The following NR3C1 variants were observed in gnomAD, a reference collection of about 807,000 sequenced individuals.
NR3C1 encodes the protein nuclear receptor subfamily 3 group C member 1.
Under a neutral mutation model 74.0 loss-of-function variants are expected in NR3C1, and 14 were observed. The observed-to-expected ratio is 0.19, with a 90% confidence interval of 0.12 to 0.30. The LOEUF is 0.30. NR3C1 is among the 10% of genes least tolerant of loss of function. NR3C1 has a pLI of 1.00. For missense variants in NR3C1, 695 were observed against 909.8 expected, an observed-to-expected ratio of 0.76 and a Z score of 3.04; for synonymous variants, 308 against 332.5, an observed-to-expected ratio of 0.93 and a Z score of 0.80.
intron 1 of NR3C1, among the ~76,000 whole-genome samples, chr5:143,402,198 C>G (rs780367672): frequency 3.3e-5 from 5 of 152,120 alleles, no homozygotes; most frequent in Non-Finnish European, 5.9e-5. Flanking sequence ...CACGAGGTAT[C>G]GAATGGAGCC....
rs575204907 is a variant in NR3C1 at position 143,364,306 on chromosome 5, A to C, written c.1184+35350T>G. On this transcript the variant is annotated intron_variant, in intron 2 of 8. Transcript: ENST00000394464. ...TATCCTGCCAACACTATCCTTCAAAAATGAAGGATAAATTAACACATTCCC... is the reference window on the plus strand; with the variant it reads ...TATCCTGCCAACACTATCCTTCAAACATGAAGGATAAATTAACACATTCCC... Among the ~76,000 whole-genome samples the C allele has an allele frequency of 2.6e-5, 4 of 152,272 alleles. No individual in the cohort carries two copies. The South Asian group carries it at 8.3e-4, about 32-fold the overall frequency.
rs140909045 is a variant in NR3C1 at position 143,309,678 on chromosome 5, G to A, written c.1468+419C>T. On this transcript the variant is annotated intron_variant, in intron 4 of 8. Coordinates refer to ENST00000394464, the MANE Select transcript of NR3C1 (RefSeq NM_000176.3). ...GCTTGAAGATCTGTAATAAAACACA[G>A]ATCTCCAAGTAAAAGGTATGCTTTT... Among the ~76,000 whole-genome samples, 154 of 151,688 alleles carry A rather than the reference G, an allele frequency of 1.0e-3. 3 individuals are homozygous for A. The East Asian group carries it at 0.022, about 22-fold the overall frequency.
At chr5:143,333,098 G>A in intron 2 of NR3C1, 4 of 1,594,566 alleles carry the variant, frequency 2.5e-6, no homozygotes, top group Non-Finnish European at 3.4e-6. Flanking sequence ...AGCATTTCCA[G>A]GAGATCTCAT....
intron 2 of NR3C1, among the ~76,000 whole-genome samples, chr5:143,329,522 A>G (rs1825470655): frequency 6.6e-6 from 1 of 152,194 alleles, no homozygotes; most frequent in African/African-American, 2.4e-5. Context: ...AAGAGGCAAA[A>G]TCTAAATTTG....
Position 143,423,453 on chromosome 5 carries a change from G to A in NR3C1, c.-14+11079C>T, listed in dbSNP as rs147098870. 5.0e-3 allele frequency among the ~76,000 whole-genome samples: 765 copies of A among 152,112 alleles called. 6 individuals carry two copies. Among genetic ancestry groups the A allele is most frequent in the African/African-American group, 0.017 (708 of 41,488 alleles). On this transcript the variant is annotated intron_variant, in intron 1 of 8. Transcript: ENST00000343796. ...TTCTATCAAAAAGACAGGGAATTAC[G>A]GATGCTCTCAAAAGTGTGGAGAAAG... is the stretch of plus-strand genomic sequence containing the variant.
At chr5:143,405,040 G>C, upstream of NR3C1, 1 of 822,368 alleles carries the variant, frequency 1.2e-6, no homozygotes, top group Non-Finnish European at 1.5e-6. Context: ...CCTGAGAAAG[G>C]AGAGGGCCGT....
At chr5:143,396,140 A>G (rs1029296868) in intron 2 of NR3C1, among the ~76,000 whole-genome samples, 10 of 151,868 alleles carry the variant, frequency 6.6e-5, no homozygotes, top group African/African-American at 2.4e-4. Context: ...AGTAATTTCA[A>G]TAAAATCTGA....
chr5:143,404,103 T>C, upstream of NR3C1: 2 of 985,384 alleles, frequency 2.0e-6, no homozygotes, highest in Non-Finnish European at 2.4e-6. Context: ...GAGCTCGCTC[T>C]GCCCCTTGGC....
At chr5:143,355,793 G>A (rs577377743) in intron 2 of NR3C1, among the ~76,000 whole-genome samples, 34 of 152,214 alleles carry the variant, frequency 2.2e-4, no homozygotes, top group Middle Eastern at 3.4e-3. Flanking sequence ...AGCCCTAAAA[G>A]ACCTTATGAA....
intron 1 of NR3C1, among the ~76,000 whole-genome samples, chr5:143,421,628 C>T (rs1053448899): frequency 2.0e-5 from 3 of 151,968 alleles, no homozygotes; most frequent in African/African-American, 7.3e-5. Flanking sequence ...GAAGATCAGC[C>T]TGGCCAACAT....
intron 2 of NR3C1, among the ~76,000 whole-genome samples, chr5:143,395,237 TTTACTTGAAAAATACAAAACCCAAGTA>T (rs1838986307): frequency 6.6e-6 from 1 of 151,912 alleles, no homozygotes. Context: ...GAATATTTTA[TTTACTTGAAAAATACAAAACCCAAGTA>T]TTAATAGAAT....
chr5:143,403,904 G>A (rs1388070084), upstream of NR3C1: 2 of 982,198 alleles, frequency 2.0e-6, no homozygotes, highest in Non-Finnish European at 2.4e-6. Context: ...TGGCGTGGCC[G>A]CCCCGCCCGG....
intron 2 of NR3C1, among the ~76,000 whole-genome samples, chr5:143,381,512 C>T (rs1471455046): frequency 3.3e-5 from 5 of 152,028 alleles, no homozygotes; most frequent in Non-Finnish European, 7.4e-5. Context: ...AAAAATAAAA[C>T]TGGAGGAATT....
rs1318270735 is a variant in NR3C1 at position 143,281,116 on chromosome 5, G to A, written c.*773C>T. 4 of 141,168 alleles carry A rather than the reference G, an allele frequency of 2.8e-5. No individual in the cohort carries two copies. Among genetic ancestry groups the A allele is most frequent in the South Asian group, 4.7e-4 (2 of 4,228 alleles). 8.7% of individuals were successfully genotyped at this position (141,168 alleles called of 1,614,324 possible). A position where few individuals can be genotyped will look rare whatever the true frequency, so the allele number is the denominator to read the frequency against. On this transcript the variant is annotated 3_prime_UTR_variant, in exon 9 of 9. Transcript: ENST00000394464. ...ACTGAAGCAGATATATACAAAATAT[G>A]AGCTTTTTTTTTTTTTTTTTTGACA...
intron 2 of NR3C1, among the ~76,000 whole-genome samples, chr5:143,347,690 T>C (rs1829548737): frequency 6.6e-6 from 1 of 152,194 alleles, no homozygotes; most frequent in Non-Finnish European, 1.5e-5. Context: ...ATTGTAGAAA[T>C]TTAGATCAAA....
intron 2 of NR3C1, among the ~76,000 whole-genome samples, chr5:143,338,344 C>CTT (rs562531555): frequency 4.4e-4 from 63 of 144,602 alleles, no homozygotes; most frequent in African/African-American, 1.3e-3. Flanking sequence ...ACTTCTTGTC[C>CTT]TTTTTTTTTT....
intron 1 of NR3C1, among the ~76,000 whole-genome samples, chr5:143,409,935 C>T (rs888169571): frequency 2.6e-5 from 4 of 152,160 alleles, no homozygotes; most frequent in African/African-American, 9.7e-5. Flanking sequence ...GTGAAATGCC[C>T]AATGGGTGTC....
chr5:143,333,113 C>A, intron 2 of NR3C1: 1 of 1,593,226 alleles, frequency 6.3e-7, no homozygotes. Context: ...TCTCATGGTT[C>A]TTGCGCCCTT....
At chr5:143,360,054 T>C (rs759645073) in intron 2 of NR3C1, among the ~76,000 whole-genome samples, 10 of 152,264 alleles carry the variant, frequency 6.6e-5, no homozygotes, top group Admixed American at 1.3e-4. Context: ...TGCAAATGTG[T>C]ACAGTTTAAG....
Sources: allele counts gnomAD v4.1 joint callset (sites outside exome capture counted in the v4.1 genomes callset), GRCh38; gene constraint gnomAD v4.1.1; transcripts MANE v1.5; gene names NCBI Gene and HGNC (gene_info 2026-07-23, HGNC 2026-07-21).